SAMD5: variants seen among roughly 807,000 people sequenced by gnomAD.
SAMD5 encodes sterile alpha motif domain containing 5.
A neutral mutation model predicts 11.3 loss-of-function variants in SAMD5; 13 were observed. The observed-to-expected ratio is 1.15, with a 90% confidence interval of 0.75 to 1.83. The LOEUF is 1.83. SAMD5 is among the 40% of genes most tolerant of loss of function. SAMD5 has a pLI of 0.00. For missense variants in SAMD5, 255 were observed against 239.1 expected, an observed-to-expected ratio of 1.07 and a Z score of -0.44; for synonymous variants, 129 against 111.3, an observed-to-expected ratio of 1.16 and a Z score of -1.00.
At chr6:147,742,621 C>T in the SAMD5 span, among the ~76,000 whole-genome samples, 1 of 152,128 alleles carries the variant, frequency 6.6e-6, no homozygotes, top group Non-Finnish European at 1.5e-5. Flanking sequence ...CTGAAGGAGG[C>T]ATTTGCCTTT....
chr6:147,514,282 CT>C (rs2128439226), intron 1 of SAMD5, among the ~76,000 whole-genome samples: 1 of 152,046 alleles, frequency 6.6e-6, no homozygotes, highest in South Asian at 2.1e-4. Flanking sequence ...AGACTGGGAC[CT>C]TTAGAGGTGT....
chr6:147,637,684 T>C (rs1230715502), intron 1 of SAMD5, among the ~76,000 whole-genome samples: 1 of 152,178 alleles, frequency 6.6e-6, no homozygotes, highest in Non-Finnish European at 1.5e-5. Context: ...ATTTTAGCTT[T>C]TCTAAATTGA....
the SAMD5 span, among the ~76,000 whole-genome samples, chr6:147,941,908 C>G: frequency 6.6e-6 from 1 of 152,130 alleles, no homozygotes; most frequent in South Asian, 2.1e-4. Flanking sequence ...GAGTCTTGCT[C>G]TGTCACCCAG....
the SAMD5 span, among the ~76,000 whole-genome samples, chr6:147,835,517 G>C: frequency 6.6e-6 from 1 of 152,138 alleles, no homozygotes; most frequent in East Asian, 1.9e-4. Context: ...TTAGAGCAGT[G>C]AAGTGGCCTC....
rs1789045145 is a variant in SAMD5, at chr6:147,566,570, TG to T, written c.*2116del. The T allele has an allele frequency of 1.0e-6, 1 of 983,174 alleles. No individual in the cohort carries two copies. Among genetic ancestry groups the T allele is most frequent in the African/African-American group, 1.7e-5 (1 of 57,178 alleles). 60.9% of individuals were successfully genotyped at this position (983,174 alleles called of 1,614,324 possible). On this transcript the variant is annotated 3_prime_UTR_variant, in exon 2 of 2. Transcript: ENST00000367474. ...CTACTGCAATGGAAAAAGGGTTCCT[TG>T]GTCATTTCAAGTTTTATTTTCTATT...
chr6:147,878,288 G>T, the SAMD5 span, among the ~76,000 whole-genome samples: 774 of 151,926 alleles, frequency 5.1e-3, 9 homozygotes, highest in Non-Finnish European at 7.8e-3. Context: ...TCCTCACATG[G>T]TGGAAAGGAA....
At chr6:147,546,469 G>C (rs1405318798) in intron 1 of SAMD5, among the ~76,000 whole-genome samples, 1 of 147,580 alleles carries the variant, frequency 6.8e-6, no homozygotes, top group Non-Finnish European at 1.5e-5. Flanking sequence ...GGTGGAGTTT[G>C]CGGTGAGCCA....
the SAMD5 span, among the ~76,000 whole-genome samples, chr6:147,829,094 A>G: frequency 6.6e-6 from 1 of 152,232 alleles, no homozygotes; most frequent in Non-Finnish European, 1.5e-5. Context: ...GAACCAACTT[A>G]CTTGCAACTT....
chr6:147,951,933 AT>A, the SAMD5 span, among the ~76,000 whole-genome samples: 1 of 152,224 alleles, frequency 6.6e-6, no homozygotes, highest in South Asian at 2.1e-4. Context: ...ATAGAACACC[AT>A]TTAACGCAGG....
At chr6:147,891,448 GA>G in the SAMD5 span, among the ~76,000 whole-genome samples, 10 of 152,128 alleles carry the variant, frequency 6.6e-5, no homozygotes, top group African/African-American at 2.4e-4. Context: ...GGTCTGTGTT[GA>G]GGGGGGCCAT....
intron 1 of SAMD5, among the ~76,000 whole-genome samples, chr6:147,599,177 T>C (rs78019193): frequency 0.035 from 5,355 of 152,212 alleles, 127 homozygotes; most frequent in Middle Eastern, 0.075. Context: ...GATGGAGTGA[T>C]GGTAAAGAAT....
At chr6:147,585,340 T>C (rs972197675) in intron 1 of SAMD5, among the ~76,000 whole-genome samples, 2 of 152,166 alleles carry the variant, frequency 1.3e-5, no homozygotes, top group African/African-American at 4.8e-5. Context: ...ATGAGGCCGG[T>C]GACATTACAG....
At chr6:147,547,765 A>G (rs967337234) in intron 1 of SAMD5, among the ~76,000 whole-genome samples, 1 of 152,202 alleles carries the variant, frequency 6.6e-6, no homozygotes, top group African/African-American at 2.4e-5. Flanking sequence ...AAGAAGAGGA[A>G]TCACTGGGGT....
chr6:147,878,859 A>G, the SAMD5 span, among the ~76,000 whole-genome samples: 2 of 151,926 alleles, frequency 1.3e-5, no homozygotes, highest in Non-Finnish European at 2.9e-5. Flanking sequence ...GGTTCACGCC[A>G]TTCTCCTGCC....
chr6:147,738,367 C>T (rs893318920), downstream of SAMD5, among the ~76,000 whole-genome samples: 6 of 152,106 alleles, frequency 3.9e-5, no homozygotes, highest in Admixed American at 6.5e-5. Flanking sequence ...TTACCTGTTT[C>T]GTTTCAAAAT....
chr6:147,835,940 C>T, the SAMD5 span, among the ~76,000 whole-genome samples: 11 of 152,310 alleles, frequency 7.2e-5, no homozygotes, highest in South Asian at 2.1e-4. Context: ...TTAACAGCAA[C>T]GTCTCGCTAT....
intron 1 of SAMD5, among the ~76,000 whole-genome samples, chr6:147,724,308 A>G (rs1791596260): frequency 6.6e-6 from 1 of 152,108 alleles, no homozygotes; most frequent in Admixed American, 6.5e-5. Context: ...AATACTTTTT[A>G]TTCTCTTGGC....
chr6:147,580,053 G>T (rs76068068), intron 1 of SAMD5, among the ~76,000 whole-genome samples: 5,136 of 152,210 alleles, frequency 0.034, 121 homozygotes, highest in Middle Eastern at 0.075. Context: ...CTCATAATTT[G>T]ATTATGATAG....
chr6:147,564,438 G>C lies in SAMD5; in HGVS notation c.504G>C (p.Lys168Asn). 1 of 781,664 alleles carries C rather than the reference G, an allele frequency of 1.3e-6. No homozygotes were observed. Among genetic ancestry groups the C allele is most frequent in the East Asian group, 2.4e-5 (1 of 41,236 alleles). The allele number at this position is 781,664 out of a possible 1,614,324, so 48.4% of individuals were successfully genotyped here. The change falls in exon 2 of 2, where the codon AAG becomes AAC. Residue 168 changes from lysine (K) to asparagine (N), a missense_variant. Lys to Asn is a moderately conservative substitution (Grantham distance 94). Transcript: ENST00000367474. The stretch of plus-strand genomic sequence containing the variant: ...TAGAGTACTTAATGAATTGGCCGAA[G>C]TCATCACAGAGCCGCTAGATATCAT... The part of the protein sequence containing the change: ...GILEYLMNWP[K>N]SSQSR
Sources: allele counts gnomAD v4.1 joint callset (sites outside exome capture counted in the v4.1 genomes callset), GRCh38; gene constraint gnomAD v4.1.1; transcripts MANE v1.5; gene names NCBI Gene and HGNC (gene_info 2026-07-23, HGNC 2026-07-21).